The following TUSC3 variants were observed in gnomAD, a reference collection of about 807,000 sequenced individuals.
The protein encoded by TUSC3 is dolichyl-diphosphooligosaccharide--protein glycosyltransferase subunit TUSC3.
TUSC3 carries 45 observed loss-of-function variants against 44.8 expected under a neutral mutation model. That is an observed-to-expected ratio of 1.00 (90% CI 0.79 to 1.29). The LOEUF (loss-of-function observed/expected upper bound fraction) is 1.29, where lower values mean the gene tolerates loss of function less well. Among genes scored for constraint, TUSC3 ranks in the 50% most tolerant of loss-of-function variants. TUSC3 has a pLI of 0.00. For missense variants in TUSC3, 519 were observed against 437.9 expected, an observed-to-expected ratio of 1.19 and a Z score of -1.65; for synonymous variants, 212 against 152.9, an observed-to-expected ratio of 1.39 and a Z score of -2.85.
chr8:15,752,660 G>GA (rs1391765215), intron 9 of TUSC3, among the ~76,000 whole-genome samples: 1 of 151,992 alleles, frequency 6.6e-6, no homozygotes, highest in Non-Finnish European at 1.5e-5. Context: ...GACAGAAGCA[G>GA]AAAATCTGAC....
At chr8:15,689,171 C>T in intron 6 of TUSC3, 2 of 404,718 alleles carry the variant, frequency 4.9e-6, no homozygotes, top group Admixed American at 3.0e-5. Flanking sequence ...CTGCTTCTTG[C>T]TTCGGAGAAT....
chr8:15,687,665 C>G (rs1808696759), intron 6 of TUSC3, among the ~76,000 whole-genome samples: 1 of 152,124 alleles, frequency 6.6e-6, no homozygotes, highest in African/African-American at 2.4e-5. Flanking sequence ...ACTGTTGCTG[C>G]CTATCTATGA....
intron 1 of TUSC3, among the ~76,000 whole-genome samples, chr8:15,552,233 T>G (rs893952364): frequency 1.2e-4 from 18 of 151,888 alleles, no homozygotes; most frequent in African/African-American, 4.3e-4. Flanking sequence ...TGGCACATGT[T>G]ACTGAACAAA....
intron 6 of TUSC3, among the ~76,000 whole-genome samples, chr8:15,676,220 A>C (rs1808183568): frequency 6.6e-6 from 1 of 152,140 alleles, no homozygotes; most frequent in Non-Finnish European, 1.5e-5. Context: ...TAGAAATTAA[A>C]TGTATGATGT....
At chr8:15,499,150 G>A (rs1304643646) in intron 2 of TUSC3, among the ~76,000 whole-genome samples, 3 of 151,790 alleles carry the variant, frequency 2.0e-5, no homozygotes, top group East Asian at 3.9e-4. Flanking sequence ...GGTTCACTGT[G>A]CCTCTTGTTA....
chr8:15,801,986 C>G, the TUSC3 span, among the ~76,000 whole-genome samples: 1 of 152,084 alleles, frequency 6.6e-6, no homozygotes, highest in Non-Finnish European at 1.5e-5. Context: ...CCTTTGGGAC[C>G]TTCACTTCTG....
chr8:15,595,691 G>T (rs1804039141), intron 1 of TUSC3, among the ~76,000 whole-genome samples: 1 of 152,170 alleles, frequency 6.6e-6, no homozygotes, highest in South Asian at 2.1e-4. Context: ...ATTGATAAGA[G>T]AAATGGGAGG....
At chr8:15,457,206 C>T (rs142928192) in intron 1 of TUSC3, among the ~76,000 whole-genome samples, 4,589 of 151,132 alleles carry the variant, frequency 0.03, 116 homozygotes, top group African/African-American at 0.057. Context: ...TTAGGAGATA[C>T]ACCTAAAGTA....
chr8:15,623,953 C>T (rs1013711719), intron 2 of TUSC3, among the ~76,000 whole-genome samples: 3 of 152,128 alleles, frequency 2.0e-5, no homozygotes, highest in Non-Finnish European at 4.4e-5. Flanking sequence ...GTCACCCGCA[C>T]TCTCCATTGT....
At chr8:15,494,552 C>G (rs1198338522) in intron 2 of TUSC3, among the ~76,000 whole-genome samples, 4 of 152,116 alleles carry the variant, frequency 2.6e-5, no homozygotes, top group Middle Eastern at 3.2e-3. Context: ...CTCTTGACGT[C>G]GTGATCTGCA....
chr8:15,818,593 C>G, the TUSC3 span, among the ~76,000 whole-genome samples: 1 of 152,156 alleles, frequency 6.6e-6, no homozygotes, highest in Non-Finnish European at 1.5e-5. Context: ...TTCTCAAATC[C>G]TCTGTGACTG....
At chr8:15,473,327 ATTC>A (rs1342007190) in intron 1 of TUSC3, among the ~76,000 whole-genome samples, 1 of 152,166 alleles carries the variant, frequency 6.6e-6, no homozygotes, top group East Asian at 1.9e-4. Context: ...AAAAATTTCA[ATTC>A]TTCTGAAAGG....
intron 10 of TUSC3, among the ~76,000 whole-genome samples, chr8:15,761,035 C>T (rs898457662): frequency 6.6e-6 from 1 of 152,152 alleles, no homozygotes; most frequent in East Asian, 1.9e-4. Context: ...TCAGTCATTT[C>T]ATTTTCTGCA....
intron 6 of TUSC3, among the ~76,000 whole-genome samples, chr8:15,675,213 C>CGCTGT (rs1279312788): frequency 1.3e-5 from 2 of 152,004 alleles, no homozygotes; most frequent in Admixed American, 6.6e-5. Flanking sequence ...AAGATCTGAT[C>CGCTGT]GCTGTCGTGT....
intron 5 of TUSC3, among the ~76,000 whole-genome samples, chr8:15,669,394 A>G (rs1807837899): frequency 6.6e-6 from 1 of 151,824 alleles, no homozygotes; most frequent in Admixed American, 6.6e-5. Flanking sequence ...TATTGTCTGA[A>G]GCAAGACTAA....
intron 2 of TUSC3, among the ~76,000 whole-genome samples, chr8:15,509,660 G>A (rs770517576): frequency 4.6e-5 from 7 of 151,904 alleles, no homozygotes; most frequent in African/African-American, 9.7e-5. Flanking sequence ...AAGTATTAGC[G>A]TGACAAATTT....
chr8:15,481,196 G>A lies in TUSC3; in HGVS notation n.92-2190G>A, dbSNP rs540786682. Reference sequence around the variant, plus strand: ...CTGGAAGCAGAGGCTGTGGTGAGCCGAGATGGCACCATTGCACTACAACCT... The same window carrying A: ...CTGGAAGCAGAGGCTGTGGTGAGCCAAGATGGCACCATTGCACTACAACCT... On this transcript the variant is annotated intron_variant and non_coding_transcript_variant, in intron 1 of 5. Transcript: ENST00000503191. Among the ~76,000 whole-genome samples, 10 of 146,908 alleles carry A rather than the reference G, an allele frequency of 6.8e-5. No individual in the cohort carries two copies. The East Asian group carries it at 1.2e-3, about 18-fold the overall frequency.
intron 9 of TUSC3, among the ~76,000 whole-genome samples, chr8:15,757,420 C>T (rs1811971903): frequency 6.6e-6 from 1 of 152,124 alleles, no homozygotes; most frequent in Non-Finnish European, 1.5e-5. Flanking sequence ...GGCAAAAATT[C>T]CAGCATGTAG....
intron 1 of TUSC3, among the ~76,000 whole-genome samples, chr8:15,572,038 C>T (rs1343998545): frequency 1.3e-5 from 2 of 152,110 alleles, no homozygotes; most frequent in Non-Finnish European, 2.9e-5. Flanking sequence ...GGTAAATGAA[C>T]GTTGGCTTCA....
Sources: gnomAD v4.1 joint callset for allele counts (sites outside exome capture counted in the v4.1 genomes callset) on GRCh38, gnomAD v4.1.1 for gene constraint, MANE v1.5 for transcripts, NCBI Gene and HGNC (gene_info 2026-07-23, HGNC 2026-07-21) for gene names.